NUP58: variants seen among roughly 807,000 people sequenced by gnomAD.
NUP58 encodes the protein nucleoporin 58.
A neutral mutation model predicts 70.1 loss-of-function variants in NUP58; 17 were observed. That is an observed-to-expected ratio of 0.24 (90% CI 0.17 to 0.36). NUP58 has a LOEUF of 0.36. Among genes scored for constraint, NUP58 ranks in the 10% least tolerant of loss-of-function variants. NUP58 has a pLI of 1.00. For missense variants in NUP58, 644 were observed against 701.5 expected, an observed-to-expected ratio of 0.92 and a Z score of 0.93; for synonymous variants, 275 against 257.6, an observed-to-expected ratio of 1.07 and a Z score of -0.65.
intron 3 of NUP58, 135 bp from the exon 4 acceptor site, chr13:25,312,748 G>T: frequency 1.3e-6 from 1 of 758,494 alleles, no homozygotes. Context: ...TTCTCTCACA[G>T]ATACACCCTT....
chr13:25,320,462 T>C (rs1470576089), intron 7 of NUP58, 68 bp from the exon 8 acceptor site: 9 of 1,060,848 alleles, frequency 8.5e-6, no homozygotes, highest in South Asian at 7.8e-5. Flanking sequence ...TCTAATACTC[T>C]ATTAAAACTC....
At chr13:25,310,519 CTTTTTTT>C (rs34548230) in intron 3 of NUP58, among the ~76,000 whole-genome samples, 70 of 53,586 alleles carry the variant, frequency 1.3e-3, no homozygotes, top group African/African-American at 4.6e-3. Context: ...TGTGCCTGGC[CTTTTTTT>C]TTTTTTTTTT....
intron 2 of NUP58, 76 bp from the exon 3 acceptor site, chr13:25,309,170 CT>C: frequency 9.1e-7 from 1 of 1,103,758 alleles, no homozygotes; most frequent in Non-Finnish European, 1.4e-6. Flanking sequence ...GATTTTAAGT[CT>C]TTCCCTTATG....
At chr13:25,337,628 A>T (rs986205056) in intron 14 of NUP58, among the ~76,000 whole-genome samples, 10 of 152,178 alleles carry the variant, frequency 6.6e-5, no homozygotes, top group African/African-American at 2.4e-4. Context: ...CAATTCTTTG[A>T]TATGGATAAC....
intron 3 of NUP58, among the ~76,000 whole-genome samples, chr13:25,312,493 GA>G (rs1566059264): frequency 6.6e-6 from 1 of 152,082 alleles, no homozygotes; most frequent in Non-Finnish European, 1.5e-5. Context: ...TCAGCCTCCC[GA>G]GTAGCTGGGG....
rs2031954276 is a variant in NUP58, at chr13:25,341,490, C to T, written c.*1356C>T. On this transcript the variant is annotated 3_prime_UTR_variant, in exon 16 of 16. Transcript: ENST00000381736. The stretch of plus-strand genomic sequence containing the variant: ...ACCAAATGGAGTGGCTTCTCAGCCT[C>T]TTAATGTCTTAAGTAAGTGCTTAAT... 1 of 152,548 alleles carries T rather than the reference C, an allele frequency of 6.6e-6. No individual in the cohort carries two copies. Among genetic ancestry groups the T allele is most frequent in the Non-Finnish European group, 1.5e-5 (1 of 68,040 alleles). 9.4% of individuals were successfully genotyped at this position (152,548 alleles called of 1,614,324 possible).
downstream of NUP58, among the ~76,000 whole-genome samples, chr13:25,343,821 A>G (rs953745350): frequency 1.4e-5 from 2 of 140,614 alleles, no homozygotes; most frequent in African/African-American, 2.5e-5. Flanking sequence ...ATATATATAT[A>G]TATATACACA....
rs1317669031 is a variant in NUP58 at position 25,341,648 on chromosome 13, GACT to G, written c.*1517_*1519del. ...CATGTCAGGTTGCATCTGTATATTT[GACT>G]ACATTAGTATTAGTGACATCAGGTG... On this transcript the variant is annotated 3_prime_UTR_variant, in exon 16 of 16. Transcript: ENST00000381736. 6.6e-6 allele frequency: 1 copy of G among 152,564 alleles called. No individual in the cohort carries two copies. The highest frequency in any genetic ancestry group is 6.5e-5 in the Admixed American group (1 of 15,276). The allele number at this position is 152,564 out of a possible 1,614,324, so 9.5% of individuals were successfully genotyped here.
chr13:25,321,003 T>G lies in NUP58; in HGVS notation c.861T>G (p.Ile287Met), dbSNP rs762456342. ...SKAMLKVQEDIKALKQLLSLA... is the reference protein window; with the variant it reads ...SKAMLKVQEDMKALKQLLSLA... Reference sequence around the variant, plus strand: ...CAATGCTTAAGGTACAAGAAGATATTAAAGCTCTGAAGCAGCTCCTGTCGT... The same window carrying G: ...CAATGCTTAAGGTACAAGAAGATATGAAAGCTCTGAAGCAGCTCCTGTCGT... The change falls in exon 9 of 16, where the codon ATT becomes ATG. Residue 287 changes from isoleucine (I) to methionine (M), a missense_variant. Physicochemically the swap from Ile to Met is conservative, Grantham distance 10. Transcript: ENST00000381736. 1.2e-6 allele frequency: 2 copies of G among 1,600,430 alleles called. No individual in the cohort carries two copies. The highest frequency in any genetic ancestry group is 2.3e-5 in the South Asian group (2 of 87,904).
At chr13:25,308,847 C>T (rs1356214780) in intron 2 of NUP58, among the ~76,000 whole-genome samples, 1 of 152,178 alleles carries the variant, frequency 6.6e-6, no homozygotes, top group Non-Finnish European at 1.5e-5. Context: ...TTGCGTTGAT[C>T]TTCCAGCTTT....
At chr13:25,339,924 A>G in intron 15 of NUP58, 41 bp from the exon 16 acceptor site, 1 of 1,504,428 alleles carries the variant, frequency 6.6e-7, no homozygotes, top group Non-Finnish European at 8.9e-7. Flanking sequence ...TGTTTTTGGA[A>G]TTCAACTTCT....
At chr13:25,325,773 G>T (rs918268865) in intron 10 of NUP58, among the ~76,000 whole-genome samples, 1 of 152,138 alleles carries the variant, frequency 6.6e-6, no homozygotes, top group Admixed American at 6.6e-5. Flanking sequence ...TCACAGTGTT[G>T]CCTAGGCTGG....
At chr13:25,315,682 TTGTC>T (rs5802327) in intron 6 of NUP58, among the ~76,000 whole-genome samples, 127,309 of 151,932 alleles carry the variant, frequency 0.84, 57,550 homozygotes, top group Non-Finnish European at 1. Flanking sequence ...TCAGAAGCAT[TTGTC>T]TGTCAGTAAC....
downstream of NUP58, among the ~76,000 whole-genome samples, chr13:25,344,724 G>C (rs1194229161): frequency 6.6e-6 from 1 of 152,122 alleles, no homozygotes; most frequent in Admixed American, 6.6e-5. Context: ...TTTTAACAAA[G>C]TTTTTATTAG....
Position 25,340,535 on chromosome 13 carries a change from T to C in NUP58, c.*401T>C, listed in dbSNP as rs1389066681. On this transcript the variant is annotated 3_prime_UTR_variant, in exon 16 of 16. Transcript: ENST00000381736. The stretch of plus-strand genomic sequence containing the variant: ...CCTATACTAGAATCAATTTGTTCCT[T>C]GTTAAAGGCCTTTTGAATTATACTG... The C allele has an allele frequency of 6.4e-6, 1 of 155,058 alleles. No individual in the cohort carries two copies. The highest frequency in any genetic ancestry group is 1.4e-5 in the Non-Finnish European group (1 of 70,190). 9.6% of individuals were successfully genotyped at this position (155,058 alleles called of 1,614,324 possible).
intron 13 of NUP58, chr13:25,335,977 A>T (rs966294446): frequency 5.0e-4 from 534 of 1,069,164 alleles, no homozygotes; most frequent in Non-Finnish European, 5.7e-4. Context: ...CTTAGTTTTA[A>T]AAAAAAAAAA....
intron 6 of NUP58, 51 bp downstream of exon 6, chr13:25,315,518 G>A: frequency 7.6e-7 from 1 of 1,307,794 alleles, no homozygotes; most frequent in African/African-American, 1.5e-5. Flanking sequence ...TTGAGGGAAT[G>A]TCTAGGTTGC....
chr13:25,338,803 T>G (rs1422701347), intron 15 of NUP58, 72 bp downstream of exon 15: 2 of 1,346,578 alleles, frequency 1.5e-6, no homozygotes, highest in Non-Finnish European at 2.1e-6. Flanking sequence ...GTATGTGTTG[T>G]TATTTCCAGT....
intron 4 of NUP58, 74 bp from the exon 5 acceptor site, chr13:25,313,540 C>T: frequency 7.7e-7 from 1 of 1,301,262 alleles, no homozygotes; most frequent in Non-Finnish European, 1.0e-6. Flanking sequence ...TTTTTAAAAA[C>T]ATCGTATTTG....
Sources: allele counts gnomAD v4.1 joint callset (sites outside exome capture counted in the v4.1 genomes callset), GRCh38; gene constraint gnomAD v4.1.1; transcripts MANE v1.5; gene names NCBI Gene and HGNC (gene_info 2026-07-23, HGNC 2026-07-21).